Variants in RTL4 observed in about 807,000 individuals in gnomAD.
The protein encoded by RTL4 is retrotransposon Gag-like protein 4.
Under a neutral mutation model 5.3 loss-of-function variants are expected in RTL4, and 4 were observed. The observed-to-expected ratio is 0.75, with a 90% CI of 0.37 to 1.72. The LOEUF (loss-of-function observed/expected upper bound fraction) is 1.72, where lower values mean the gene tolerates loss of function less well. Ranked by LOEUF, RTL4 falls within the 40% of genes most tolerant of loss-of-function variation. The pLI is 0.04. For synonymous variants in RTL4, 98 were observed against 87.3 expected, an observed-to-expected ratio of 1.12 and a Z score of -0.68; for missense variants, 260 against 227.1, an observed-to-expected ratio of 1.14 and a Z score of -0.93.
chrX:112,314,665 A>C, the RTL4 span, among the ~76,000 whole-genome samples: 35,611 of 108,213 alleles, frequency 0.33, 6,523 homozygotes, highest in African/African-American at 0.66. Flanking sequence ...TTGATGTCAC[A>C]TCTCTCTCAT....
the RTL4 span, among the ~76,000 whole-genome samples, chrX:112,108,882 G>A: frequency 9.0e-6 from 1 of 111,418 alleles, no homozygotes; most frequent in African/African-American, 3.3e-5. Flanking sequence ...CAGGTCTGAA[G>A]GCTCAGTCTG....
the RTL4 span, among the ~76,000 whole-genome samples, chrX:112,138,078 C>T: frequency 8.9e-6 from 1 of 112,186 alleles, no homozygotes; most frequent in Middle Eastern, 4.7e-3. Context: ...AGAAGAAAAT[C>T]CTGCCTTTTG....
At chrX:112,268,583 T>TA in the RTL4 span, among the ~76,000 whole-genome samples, 1 of 111,042 alleles carries the variant, frequency 9.0e-6, no homozygotes, top group Non-Finnish European at 1.9e-5. Flanking sequence ...AAGTGGGAGG[T>TA]ATAATCCAGT....
At chrX:112,407,964 A>C in the RTL4 span, among the ~76,000 whole-genome samples, 1 of 112,524 alleles carries the variant, frequency 8.9e-6, no homozygotes, top group East Asian at 2.8e-4. Context: ...CCCATAAAGT[A>C]ATTACAGCTT....
the RTL4 span, among the ~76,000 whole-genome samples, chrX:112,169,454 G>A: frequency 9.0e-6 from 1 of 111,043 alleles, no homozygotes; most frequent in Non-Finnish European, 1.9e-5. Flanking sequence ...ACCCTCTCTT[G>A]GGGTCTGAAT....
the RTL4 span, among the ~76,000 whole-genome samples, chrX:112,393,170 TTTTG>T: frequency 7.8e-3 from 777 of 99,088 alleles, 4 homozygotes; most frequent in Non-Finnish European, 0.013. Flanking sequence ...TGTTTTTTTT[TTTTG>T]TTTGTTTGTT....
At chrX:112,400,690 A>G in the RTL4 span, among the ~76,000 whole-genome samples, 1 of 112,231 alleles carries the variant, frequency 8.9e-6, no homozygotes. Flanking sequence ...GTACTTTAAA[A>G]CAGAATAATC....
chrX:112,117,264 T>C, the RTL4 span, among the ~76,000 whole-genome samples: 2,680 of 104,082 alleles, frequency 0.026, 164 homozygotes, highest in African/African-American at 0.09. Context: ...CTATTTACCA[T>C]ATAATCGTTA....
chrX:112,131,074 C>T, the RTL4 span, among the ~76,000 whole-genome samples: 2 of 109,617 alleles, frequency 1.8e-5, no homozygotes, highest in South Asian at 7.6e-4. Flanking sequence ...GCTGGGATTA[C>T]AGGCGTGAGC....
At chrX:112,405,719 A>G in the RTL4 span, among the ~76,000 whole-genome samples, 1 of 70,286 alleles carries the variant, frequency 1.4e-5, no homozygotes, top group Non-Finnish European at 2.7e-5. Context: ...CAAGGACAGC[A>G]ATTTAACAGC....
the RTL4 span, among the ~76,000 whole-genome samples, chrX:112,416,355 A>G: frequency 5.4e-5 from 6 of 111,797 alleles, no homozygotes; most frequent in Non-Finnish European, 9.4e-5. Flanking sequence ...AATGTAACTC[A>G]CACTCCTTCT....
chrX:112,110,829 A>G, the RTL4 span, among the ~76,000 whole-genome samples: 1 of 111,716 alleles, frequency 9.0e-6, no homozygotes, highest in African/African-American at 3.3e-5. Flanking sequence ...TTTTCCCTTA[A>G]TCACCCAGGA....
chrX:112,178,657 A>G, the RTL4 span, among the ~76,000 whole-genome samples: 1 of 112,030 alleles, frequency 8.9e-6, no homozygotes, highest in African/African-American at 3.2e-5. Flanking sequence ...CAGGTATCAC[A>G]GATACTGATT....
the RTL4 span, among the ~76,000 whole-genome samples, chrX:112,319,036 A>G: frequency 8.9e-6 from 1 of 111,860 alleles, no homozygotes; most frequent in African/African-American, 3.2e-5. Context: ...GTAAAGAAAT[A>G]CTACAGGCTT....
the RTL4 span, among the ~76,000 whole-genome samples, chrX:112,209,296 C>T: frequency 8.9e-6 from 1 of 112,108 alleles, no homozygotes; most frequent in Non-Finnish European, 1.9e-5. Context: ...TCCAGCCAAA[C>T]CATTGGCTAC....
chrX:112,171,619 G>A, the RTL4 span, among the ~76,000 whole-genome samples: 1 of 111,449 alleles, frequency 9.0e-6, no homozygotes, highest in East Asian at 2.8e-4. Flanking sequence ...TATCATTTCC[G>A]ATTGTGTCTA....
At chrX:112,124,752 C>G in the RTL4 span, among the ~76,000 whole-genome samples, 1 of 110,402 alleles carries the variant, frequency 9.1e-6, no homozygotes, top group Non-Finnish European at 1.9e-5. Context: ...ACACCTATAC[C>G]TATGTAACAA....
At chrX:112,339,386 G>A in the RTL4 span, among the ~76,000 whole-genome samples, 26 of 112,064 alleles carry the variant, frequency 2.3e-4, no homozygotes, top group African/African-American at 7.4e-4. Context: ...GATGATCTAC[G>A]TGTTCATAAA....
the RTL4 span, among the ~76,000 whole-genome samples, chrX:112,089,254 C>T: frequency 9.0e-6 from 1 of 111,048 alleles, no homozygotes; most frequent in South Asian, 3.8e-4. Flanking sequence ...AATGCTATCC[C>T]TCCCCCCTGG....
Sources: allele counts gnomAD v4.1 joint callset (sites outside exome capture counted in the v4.1 genomes callset), GRCh38; gene constraint gnomAD v4.1.1; transcripts MANE v1.5; gene names NCBI Gene and HGNC (gene_info 2026-07-23, HGNC 2026-07-21).